ITPR1: variants seen among roughly 807,000 people sequenced by gnomAD.
ITPR1 encodes the protein inositol 1,4,5-trisphosphate-gated calcium channel ITPR1.
In ITPR1, 96 loss-of-function variants were observed where a neutral mutation model predicts 318.4. That is an observed-to-expected ratio of 0.30 (90% CI 0.26 to 0.36). The LOEUF (loss-of-function observed/expected upper bound fraction) is 0.36, where lower values mean the gene tolerates loss of function less well. ITPR1 is among the 10% of genes least tolerant of loss of function. The pLI is 1.00. For missense variants in ITPR1, 2,440 were observed against 3,460.2 expected (o/e 0.71, Z 7.40); for synonymous variants, 1,312 against 1,289.9 (o/e 1.02, Z -0.37).
chr3:4,658,742 T>C (rs1268749765), intron 13 of ITPR1, among the ~76,000 whole-genome samples: 1 of 152,140 alleles, frequency 6.6e-6, no homozygotes, highest in Non-Finnish European at 1.5e-5. Context: ...CAGAAATCTT[T>C]AGTTATTTTT....
At position 4,527,520 on chromosome 3, in the gene ITPR1, C is replaced by A. The variant is rs545474168; in HGVS notation, c.163+6426C>A. 3.3e-5 allele frequency among the ~76,000 whole-genome samples: 5 copies of A among 152,230 alleles called. No homozygotes were observed. In the South Asian group the frequency reaches 1.0e-3, roughly 32 times the overall value. The stretch of plus-strand genomic sequence containing the variant: ...CATTGCCCCAACCAGCTGTGGGATG[C>A]GCAGTATGTTACTTACAGTAGGATG... On this transcript the variant is annotated intron_variant, in intron 4 of 61. Transcript: ENST00000649015.
intron 2 of ITPR1, among the ~76,000 whole-genome samples, chr3:4,507,624 C>G (rs980909734): frequency 1.3e-5 from 2 of 152,200 alleles, no homozygotes; most frequent in African/African-American, 4.8e-5. Flanking sequence ...TTATACCAAG[C>G]AGTCCAGAAG....
chr3:4,562,323 A>G (rs2086766073), intron 4 of ITPR1, among the ~76,000 whole-genome samples: 1 of 152,194 alleles, frequency 6.6e-6, no homozygotes, highest in Admixed American at 6.5e-5. Context: ...AAGTTGCAGC[A>G]AGTAGGTTTG....
intron 4 of ITPR1, among the ~76,000 whole-genome samples, chr3:4,602,029 T>A (rs76581126): frequency 0.01 from 1,527 of 152,246 alleles, 28 homozygotes; most frequent in African/African-American, 0.035. Context: ...GTAAAAAAGA[T>A]GTACAATAAT....
Position 4,557,362 on chromosome 3 carries a change from C to T in ITPR1, c.163+36268C>T, listed in dbSNP as rs143441118. Among the ~76,000 whole-genome samples the T allele has an allele frequency of 6.3e-3, 954 of 152,206 alleles. 6 individuals are homozygous for T. Among genetic ancestry groups the T allele is most frequent in the African/African-American group, 0.022 (913 of 41,522 alleles). On this transcript the variant is annotated intron_variant, in intron 4 of 61. Transcript: ENST00000649015. The stretch of plus-strand genomic sequence containing the variant: ...TCATGAGAACAGCATGGGAAAGACC[C>T]GCCTCCATGAATCAATTACCTCCCG...
At chr3:4,796,458 G>C (rs953989358) in intron 53 of ITPR1, among the ~76,000 whole-genome samples, 6 of 152,188 alleles carry the variant, frequency 3.9e-5, no homozygotes, top group African/African-American at 1.4e-4. Context: ...CTAGTGAGGA[G>C]CTCAGCTGGC....
intron 4 of ITPR1, among the ~76,000 whole-genome samples, chr3:4,590,189 T>G: frequency 6.8e-6 from 1 of 146,176 alleles, no homozygotes; most frequent in Non-Finnish European, 1.5e-5. Flanking sequence ...TTTTTTTTTT[T>G]TTTTTTGTCT....
intron 41 of ITPR1, 71 bp downstream of exon 41, chr3:4,725,652 G>A: frequency 1.5e-6 from 2 of 1,358,320 alleles, no homozygotes; most frequent in Non-Finnish European, 1.0e-6. Flanking sequence ...TCCTGGTTGG[G>A]TGTCTGAATT....
chr3:4,728,490 A>G (rs1239560465), intron 42 of ITPR1, among the ~76,000 whole-genome samples: 3 of 152,228 alleles, frequency 2.0e-5, no homozygotes, highest in Non-Finnish European at 2.9e-5. Context: ...ATGTATTTAT[A>G]GGGTACATGA....
chr3:4,717,506 C>T (rs552639859), intron 40 of ITPR1, 107 bp downstream of exon 40: 5 of 932,980 alleles, frequency 5.4e-6, no homozygotes, highest in Non-Finnish European at 8.7e-6. Context: ...CGTCGAGTAT[C>T]TGGCTTTGTG....
intron 18 of ITPR1, among the ~76,000 whole-genome samples, chr3:4,668,532 A>T (rs2094001328): frequency 1.3e-5 from 2 of 151,076 alleles, no homozygotes; most frequent in African/African-American, 4.9e-5. Flanking sequence ...CAGTGGCGAG[A>T]TCTCAGCTCA....
intron 12 of ITPR1, among the ~76,000 whole-genome samples, chr3:4,654,401 G>A (rs2093659990): frequency 6.6e-6 from 1 of 152,212 alleles, no homozygotes; most frequent in South Asian, 2.1e-4. Flanking sequence ...ATAGGCTTTA[G>A]TGTATAGGAT....
intron 44 of ITPR1, among the ~76,000 whole-genome samples, chr3:4,741,113 G>A (rs1431733533): frequency 1.3e-5 from 2 of 152,162 alleles, no homozygotes; most frequent in African/African-American, 4.8e-5. Flanking sequence ...CCTGGGGGAA[G>A]TTCCCTTCGC....
intron 4 of ITPR1, among the ~76,000 whole-genome samples, chr3:4,592,573 G>C (rs893007767): frequency 2.6e-5 from 4 of 151,978 alleles, no homozygotes; most frequent in Non-Finnish European, 4.4e-5. Context: ...AAGTGATGCT[G>C]TCATGTCTCC....
At chr3:4,767,931 G>A (rs1291025858) in intron 45 of ITPR1, among the ~76,000 whole-genome samples, 1 of 152,150 alleles carries the variant, frequency 6.6e-6, no homozygotes, top group East Asian at 1.9e-4. Flanking sequence ...TGGTAATTAA[G>A]TCATTACGGA....
intron 11 of ITPR1, 57 bp from the exon 12 acceptor site, chr3:4,653,784 GC>G (rs1405614744): frequency 7.7e-7 from 1 of 1,292,888 alleles, no homozygotes; most frequent in African/African-American, 1.5e-5. Flanking sequence ...TGCAAGTGGG[GC>G]CCAGTCCTTA....
chr3:4,510,630 G>C, intron 2 of ITPR1, among the ~76,000 whole-genome samples: 1 of 152,338 alleles, frequency 6.6e-6, no homozygotes, highest in South Asian at 2.1e-4. Flanking sequence ...ATACAGTTGT[G>C]TATAAAACAC....
chr3:4,639,109 T>G (rs2125148507), intron 5 of ITPR1, among the ~76,000 whole-genome samples: 1 of 152,266 alleles, frequency 6.6e-6, no homozygotes, highest in East Asian at 1.9e-4. Context: ...TATTTCAGCT[T>G]TTGACTTACT....
rs551450436 is a variant in ITPR1, at chr3:4,585,467, C to T, written c.164-42296C>T. ...ATTTATTTATTTTGAGACAGAGTCT[C>T]ACTCTGTCACCCAGGCTGGAGTGCA... is the stretch of plus-strand genomic sequence containing the variant. On this transcript the variant is annotated intron_variant, in intron 4 of 61. Transcript: ENST00000649015. 2.0e-3 allele frequency among the ~76,000 whole-genome samples: 303 copies of T among 152,156 alleles called. 1 individual carries two copies. Among genetic ancestry groups the T allele is most frequent in the South Asian group, 6.8e-3 (33 of 4,820 alleles).
Sources: gnomAD v4.1 joint callset for allele counts (sites outside exome capture counted in the v4.1 genomes callset) on GRCh38, gnomAD v4.1.1 for gene constraint, MANE v1.5 for transcripts, NCBI Gene and HGNC (gene_info 2026-07-23, HGNC 2026-07-21) for gene names.